USP8: variants seen among roughly 807,000 people sequenced by gnomAD.
USP8 encodes the protein ubiquitin carboxyl-terminal hydrolase 8.
USP8 carries 27 observed loss-of-function variants against 130.0 expected under a neutral mutation model. That is an observed-to-expected ratio of 0.21 (90% confidence interval 0.15 to 0.29). USP8 has a LOEUF of 0.29. USP8 is among the 10% of genes least tolerant of loss of function. USP8 has a pLI of 1.00. For missense variants in USP8, 1,029 were observed against 1,312.2 expected (o/e 0.78, Z 3.33); for synonymous variants, 392 against 444.1 (o/e 0.88, Z 1.48).
chr15:50,443,207 T>G (rs1055166843), intron 3 of USP8, among the ~76,000 whole-genome samples: 11 of 151,784 alleles, frequency 7.2e-5, no homozygotes, highest in African/African-American at 2.4e-4. Flanking sequence ...CCTAGCTAAT[T>G]TTTTTGTATC....
At chr15:50,476,447 G>A (rs973989744) in intron 8 of USP8, among the ~76,000 whole-genome samples, 2 of 152,078 alleles carry the variant, frequency 1.3e-5, no homozygotes, top group South Asian at 2.1e-4. Context: ...ACCAGTAGTC[G>A]AATATTACCT....
rs1052363268 is a variant in USP8, at chr15:50,471,754, A to G, written c.808A>G (p.Ile270Val). Reference protein sequence around the residue: ...DWFSSAKDLQIGTTLRSLKDA... With the variant: ...DWFSSAKDLQVGTTLRSLKDA... ...GTTTAGTTCTGCCAAAGATTTACAG[A>G]TTGGAACAACTCTCCGGAGTCTGAA... is the stretch of plus-strand genomic sequence containing the variant. The change falls in exon 8 of 20, where the codon ATT becomes GTT. Residue 270 changes from isoleucine to valine, a missense_variant. Transcript: ENST00000307179. 5 of 1,614,080 alleles carry G rather than the reference A, an allele frequency of 3.1e-6. No individual in the cohort carries two copies. The highest frequency in any genetic ancestry group is 1.1e-5 in the South Asian group (1 of 91,060).
intron 3 of USP8, among the ~76,000 whole-genome samples, chr15:50,443,904 A>G (rs1324072493): frequency 6.6e-6 from 1 of 152,208 alleles, no homozygotes; most frequent in Non-Finnish European, 1.5e-5. Context: ...ATTTTTGGCC[A>G]TACTTATCTG....
At position 50,458,916 on chromosome 15, in the gene USP8, A is replaced by T. The variant is rs552400427; in HGVS notation, c.336-84A>T. ...TAGCCATGAAATACCTCAAGGCAGGATACTAATTTTACAGAACTGAAACTC... is the reference window on the plus strand; with the variant it reads ...TAGCCATGAAATACCTCAAGGCAGGTTACTAATTTTACAGAACTGAAACTC... On this transcript the variant is annotated intron_variant, in intron 4 of 19. Coordinates refer to ENST00000307179, the MANE Select transcript of USP8 (RefSeq NM_005154.5). 22 of 1,533,710 alleles carry T rather than the reference A, an allele frequency of 1.4e-5. No individual in the cohort carries two copies. The East Asian group carries it at 4.7e-4, about 33-fold the overall frequency.
At position 50,457,295 on chromosome 15, in the gene USP8, C is replaced by T. The variant is rs532827192; in HGVS notation, c.336-1705C>T. Among the ~76,000 whole-genome samples, 8 of 152,240 alleles carry T rather than the reference C, an allele frequency of 5.3e-5. No homozygotes were observed. The East Asian group carries it at 1.5e-3, about 29-fold the overall frequency. ...ATAAGACCAGGTGCGGTGGCTCACACACCTGTAATCTCAGCCTTTTGGGAG... is the reference window on the plus strand; with the variant it reads ...ATAAGACCAGGTGCGGTGGCTCACATACCTGTAATCTCAGCCTTTTGGGAG... On this transcript the variant is annotated intron_variant, in intron 4 of 19. Transcript: ENST00000307179.
Position 50,499,522 on chromosome 15 carries a change from A to G in USP8, c.*434A>G, listed in dbSNP as rs937293993. On this transcript the variant is annotated 3_prime_UTR_variant, in exon 20 of 20. Coordinates refer to ENST00000307179, the MANE Select transcript of USP8 (RefSeq NM_005154.5). ...ATATTTATTGCATACTTGCACATCA[A>G]ATCGATGTACATAGTTTAACACGTG... is the stretch of plus-strand genomic sequence containing the variant. The G allele has an allele frequency of 6.6e-6, 1 of 152,616 alleles. No homozygotes were observed. The highest frequency in any genetic ancestry group is 2.4e-5 in the African/African-American group (1 of 41,460). 9.5% of individuals were successfully genotyped at this position (152,616 alleles called of 1,614,324 possible).
In USP8 at chr15:50,496,475, C is replaced by T. The variant is rs189166325; in HGVS notation, c.2895+391C>T. Reference sequence around the variant, plus strand: ...CAGCCTAGGGGACAGAACAAGACTCCGTCTTAAAAAAAAAAAAAAAAAAAA... The same window carrying T: ...CAGCCTAGGGGACAGAACAAGACTCTGTCTTAAAAAAAAAAAAAAAAAAAA... On this transcript the variant is annotated intron_variant, in intron 17 of 19. Transcript: ENST00000307179. Among the ~76,000 whole-genome samples the T allele has an allele frequency of 8.2e-3, 900 of 109,814 alleles. 12 individuals carry two copies. Among genetic ancestry groups the T allele is most frequent in the African/African-American group, 0.035 (860 of 24,840 alleles). The allele number at this position is 109,814 out of a possible 152,430, so 72.0% of individuals were successfully genotyped here. A position where few individuals can be genotyped will look rare whatever the true frequency, so the allele number is the denominator to read the frequency against.
chr15:50,494,147 A>G lies in USP8; in HGVS notation c.2525A>G (p.Tyr842Cys), dbSNP rs1398963218. 6.2e-7 allele frequency: 1 copy of G among 1,613,118 alleles called. No homozygotes were observed. Among genetic ancestry groups the G allele is most frequent in the Non-Finnish European group, 8.5e-7 (1 of 1,179,948 alleles). ...IIMKALWTGQ[Y>C]RYISPKDFKI... is the part of the protein sequence containing the mutation. ...ATGAAAGCCCTGTGGACAGGACAGT[A>G]TAGATATATCAGTCCAAAGGACTTT... Residue 842 changes from tyrosine (Y) to cysteine (C), a missense_variant, in exon 16 of 20, where the codon TAT becomes TGT. This residue lies in a region of USP8 where 257 missense variants were observed against 429.8 expected (regional missense o/e 0.60). Transcript: ENST00000307179.
intron 18 of USP8, among the ~76,000 whole-genome samples, chr15:50,498,081 C>G (rs181472356): frequency 1.3e-5 from 2 of 152,176 alleles, no homozygotes; most frequent in East Asian, 3.9e-4. Flanking sequence ...TGAATATTTT[C>G]AAAATTATGA....
rs1343385612 is a variant in USP8 at position 50,465,161 on chromosome 15, T to C, written c.656T>C (p.Leu219Pro). The change falls in exon 7 of 20, where the codon CTC becomes CCC. Residue 219 changes from leucine (L) to proline (P), a missense_variant. Leu to Pro is a moderately conservative substitution (Grantham distance 98). Transcript: ENST00000307179. ...CAGGATTCCTGTATTTTACATTCTC[T>C]CAGTGTTCCTGAAGAAGCCATCAGT... Reference protein sequence around the residue: ...DYQDSCILHSLSVPEEAISPG... With the variant: ...DYQDSCILHSPSVPEEAISPG... 6.2e-7 allele frequency: 1 copy of C among 1,613,910 alleles called. No homozygotes were observed. The highest frequency in any genetic ancestry group is 8.5e-7 in the Non-Finnish European group (1 of 1,179,848).
At chr15:50,427,228 G>A (rs997959338) in intron 1 of USP8, among the ~76,000 whole-genome samples, 10 of 152,164 alleles carry the variant, frequency 6.6e-5, no homozygotes, top group Non-Finnish European at 1.0e-4. Context: ...GAGCCACCGC[G>A]CCTGACCCAT....
rs2052538689 is a variant in USP8 at position 50,499,561 on chromosome 15, AC to A, written c.*475del. On this transcript the variant is annotated 3_prime_UTR_variant, in exon 20 of 20. Transcript: ENST00000307179. Reference sequence around the variant, plus strand: ...GTTTAACACGTGGTCCTTTTGTGAAACCTAGAACTCAGAGGATTGCTTTTTT... The same window carrying A: ...GTTTAACACGTGGTCCTTTTGTGAAACTAGAACTCAGAGGATTGCTTTTTT... 1 of 151,894 alleles carries A rather than the reference AC, an allele frequency of 6.6e-6. No homozygotes were observed. Among genetic ancestry groups the A allele is most frequent in the Admixed American group, 6.6e-5 (1 of 15,214 alleles). 9.4% of individuals were successfully genotyped at this position (151,894 alleles called of 1,614,324 possible). A position where few individuals can be genotyped will look rare whatever the true frequency, so the allele number is the denominator to read the frequency against.
At chr15:50,427,751 G>A (rs1484889846) in intron 1 of USP8, among the ~76,000 whole-genome samples, 1 of 151,762 alleles carries the variant, frequency 6.6e-6, no homozygotes, top group African/African-American at 2.4e-5. Flanking sequence ...TAGAGATGGG[G>A]TTTTGCCATG....
rs2052654353 is a variant in USP8, at chr15:50,506,086, C to T, written c.*6998C>T. On this transcript the variant is annotated 3_prime_UTR_variant, in exon 20 of 20. Coordinates refer to ENST00000307179, the MANE Select transcript of USP8 (RefSeq NM_005154.5). ...TTTAGGCTTTAAGTATGAAAGCTGT[C>T]GTTTTTTAGCATAATTACTAAAGAA... The T allele has an allele frequency of 6.6e-6, 1 of 152,168 alleles. No homozygotes were observed. The highest frequency in any genetic ancestry group is 2.4e-5 in the African/African-American group (1 of 41,434). The allele number at this position is 152,168 out of a possible 1,614,324, so 9.4% of individuals were successfully genotyped here.
chr15:50,498,527 A>G, intron 18 of USP8, 69 bp from the exon 19 acceptor site: 1 of 1,475,846 alleles, frequency 6.8e-7, no homozygotes, highest in Non-Finnish European at 9.0e-7. Flanking sequence ...AAAAATCTAG[A>G]TGTTAATGAA....
chr15:50,435,899 T>G (rs2050077703), intron 1 of USP8, among the ~76,000 whole-genome samples: 1 of 152,192 alleles, frequency 6.6e-6, no homozygotes, highest in Non-Finnish European at 1.5e-5. Flanking sequence ...CTTTCCCTCC[T>G]TGTGTCTAAT....
At chr15:50,495,766 G>GTGTT in intron 16 of USP8, 82 bp from the exon 17 acceptor site, 1 of 1,113,006 alleles carries the variant, frequency 9.0e-7, no homozygotes. Flanking sequence ...AATCTGGCAA[G>GTGTT]TGTTTGTATT....
Position 50,514,225 on chromosome 15 carries a change from G to A in USP8, c.*15137G>A, listed in dbSNP as rs1008017073. On this transcript the variant is annotated 3_prime_UTR_variant, in exon 20 of 20. Coordinates refer to ENST00000307179, the MANE Select transcript of USP8 (RefSeq NM_005154.5). ...AAATCAGGCAAAAATCTATAAATCTGTCCTGCCAGAAGTCAGTGGTTTTCC... is the reference window on the plus strand; with the variant it reads ...AAATCAGGCAAAAATCTATAAATCTATCCTGCCAGAAGTCAGTGGTTTTCC... 4 of 152,124 alleles carry A rather than the reference G, an allele frequency of 2.6e-5. No homozygotes were observed. The highest frequency in any genetic ancestry group is 7.2e-5 in the African/African-American group (3 of 41,406). The allele number at this position is 152,124 out of a possible 1,614,324, so 9.4% of individuals were successfully genotyped here. A position where few individuals can be genotyped will look rare whatever the true frequency, so the allele number is the denominator to read the frequency against.
At position 50,471,507 on chromosome 15, in the gene USP8, GA is replaced by G; in HGVS notation, c.687-123del. The G allele has an allele frequency of 5.2e-6, 5 of 957,318 alleles. No homozygotes were observed. The East Asian group carries it at 1.3e-4, about 25-fold the overall frequency. 59.3% of individuals were successfully genotyped at this position (957,318 alleles called of 1,614,324 possible). On this transcript the variant is annotated intron_variant, in intron 7 of 19. Coordinates refer to ENST00000307179, the MANE Select transcript of USP8 (RefSeq NM_005154.5). ...TATCTTAATATATAACCTCACCTTAGAAAGGAATCTACTTAAAATTTGCTAT... is the reference window on the plus strand; with the variant it reads ...TATCTTAATATATAACCTCACCTTAGAAGGAATCTACTTAAAATTTGCTAT...
Sources: gnomAD v4.1 joint callset for allele counts (sites outside exome capture counted in the v4.1 genomes callset) on GRCh38, gnomAD v4.1.1 for gene constraint, gnomAD v4.1.1 regional missense constraint, MANE v1.5 for transcripts, NCBI Gene and HGNC (gene_info 2026-07-23, HGNC 2026-07-21) for gene names.